ABCC9: variants seen among roughly 807,000 people sequenced by gnomAD.
ABCC9 encodes the protein ATP binding cassette subfamily C member 9.
Under a neutral mutation model 188.3 loss-of-function variants are expected in ABCC9, and 95 were observed. The ratio of observed to expected loss-of-function variants is 0.50; its 90% CI spans 0.43 to 0.60. The LOEUF is 0.60. Ranked by LOEUF, ABCC9 falls within the 20% of genes least tolerant of loss-of-function variation. The probability of loss-of-function intolerance (pLI) is 0.00; values close to 1 mark genes in which losing one functional copy is unlikely to be tolerated. For synonymous variants in ABCC9, 659 were observed against 652.7 expected, an observed-to-expected ratio of 1.01 and a Z score of -0.15; for missense variants, 1,102 against 1,876.3, an observed-to-expected ratio of 0.59 and a Z score of 7.62.
At chr12:21,803,679 T>G (rs948811165) in intron 39 of ABCC9, among the ~76,000 whole-genome samples, 1 of 150,814 alleles carries the variant, frequency 6.6e-6, no homozygotes, top group Non-Finnish European at 1.5e-5. Flanking sequence ...AAAAAAACAT[T>G]GAAAAATCTT....
chr12:21,837,611 C>G (rs1944167776), intron 30 of ABCC9, among the ~76,000 whole-genome samples: 1 of 152,220 alleles, frequency 6.6e-6, no homozygotes, highest in East Asian at 1.9e-4. Flanking sequence ...GGATTAAATT[C>G]TAAAACAACT....
At chr12:21,926,245 C>T (rs530393945) in intron 4 of ABCC9, among the ~76,000 whole-genome samples, 182 bp from the exon 5 acceptor site, 1 of 152,110 alleles carries the variant, frequency 6.6e-6, no homozygotes, top group Admixed American at 6.6e-5. Context: ...TCTGCGGAAA[C>T]GATTTATCTT....
chr12:21,818,039 G>A, intron 32 of ABCC9, 111 bp downstream of exon 32: 2 of 595,898 alleles, frequency 3.4e-6, no homozygotes, highest in Non-Finnish European at 3.1e-6. Flanking sequence ...GCCCTGGTAT[G>A]TGTAATTCCC....
chr12:21,894,156 A>G lies in ABCC9; in HGVS notation c.1678T>C (p.Tyr560His). The G allele has an allele frequency of 6.2e-7, 1 of 1,614,084 alleles. No homozygotes were observed. Among genetic ancestry groups the G allele is most frequent in the Non-Finnish European group, 8.5e-7 (1 of 1,179,990 alleles). ...AVLATFVTHA[Y>H]ASGNNLKPAE... Reference sequence around the variant, plus strand: ...GGTTTCAGATTGTTTCCACTGGCATACGCATGGGTCACAAATGTCTGTGCA... The same window carrying G: ...GGTTTCAGATTGTTTCCACTGGCATGCGCATGGGTCACAAATGTCTGTGCA... The change falls in exon 14 of 40, where the codon TAT becomes CAT. Residue 560 changes from tyrosine (Y) to histidine (H), a missense_variant. Tyr to His is a moderately conservative substitution (Grantham distance 83). Around this residue, in one of 12 missense-constraint regions of ABCC9, gnomAD observed 258 missense variants for 325.6 expected, o/e 0.79. Coordinates refer to ENST00000261200, the MANE Select transcript of ABCC9 (RefSeq NM_020297.4).
Position 21,841,855 on chromosome 12 carries a change from G to C in ABCC9, c.3473+459C>G, listed in dbSNP as rs1396916427. The stretch of plus-strand genomic sequence containing the variant: ...ATACCTAAATGAATCATAATGTCAG[G>C]ATAGATTTCATTATGTTTCATATAG... On this transcript the variant is annotated intron_variant, in intron 29 of 39. Coordinates refer to ENST00000261200, the MANE Select transcript of ABCC9 (RefSeq NM_020297.4). Among the ~76,000 whole-genome samples the C allele has an allele frequency of 2.0e-5, 3 of 152,034 alleles. No homozygotes were observed. In the South Asian group the frequency reaches 6.2e-4, roughly 32 times the overall value.
rs1945007967 is a variant in ABCC9, at chr12:21,852,276, T to C, written c.2644-54A>G. The C allele has an allele frequency of 2.0e-5, 33 of 1,613,392 alleles. No homozygotes were observed. The South Asian group carries it at 2.5e-4, about 12-fold the overall frequency. ...TGACGAAAAGCCTTGATTGGCAAAA[T>C]GAACTACCTTTATTTCAGAAAGCAT... is the stretch of plus-strand genomic sequence containing the variant. On this transcript the variant is annotated intron_variant, in intron 23 of 39. Coordinates refer to ENST00000261200, the MANE Select transcript of ABCC9 (RefSeq NM_020297.4).
At chr12:21,836,257 C>G (rs1357924555) in intron 30 of ABCC9, among the ~76,000 whole-genome samples, 1 of 152,122 alleles carries the variant, frequency 6.6e-6, no homozygotes, top group Non-Finnish European at 1.5e-5. Flanking sequence ...GCTCAAAATT[C>G]TTCAGTGACT....
In ABCC9 at chr12:21,842,455, A is replaced by G; in HGVS notation, c.3332T>C (p.Leu1111Ser). 6.2e-7 allele frequency: 1 copy of G among 1,614,156 alleles called. No homozygotes were observed. Among genetic ancestry groups the G allele is most frequent in the Non-Finnish European group, 8.5e-7 (1 of 1,179,986 alleles). The part of the protein sequence containing the change: ...NIIDQHIPPT[L>S]ESLTRSTLLC... ...CAGTGTTGAGCGAGTTAGAGATTCC[A>G]AGGTTGGAGGGATGTGCTATTAGGG... Residue 1111 changes from leucine to serine, a missense_variant, in exon 29 of 40, where the codon TTG becomes TCG. Around this residue, in one of 12 missense-constraint regions of ABCC9, gnomAD observed 12 missense variants for 57.2 expected, o/e 0.21. Transcript: ENST00000261200.
At chr12:21,844,291 G>C (rs1944523758) in intron 28 of ABCC9, among the ~76,000 whole-genome samples, 192 bp downstream of exon 28, 1 of 151,874 alleles carries the variant, frequency 6.6e-6, no homozygotes, top group Admixed American at 6.6e-5. Context: ...GTACAAATTA[G>C]TCTGAGTTAA....
At chr12:21,918,180 C>T (rs540430091) in intron 5 of ABCC9, among the ~76,000 whole-genome samples, 177 of 151,882 alleles carry the variant, frequency 1.2e-3, no homozygotes, top group African/African-American at 4.0e-3. Flanking sequence ...CAAACAAAGC[C>T]GACTTCAAGA....
intron 4 of ABCC9, among the ~76,000 whole-genome samples, chr12:21,932,116 C>G (rs1329046277): frequency 1.3e-5 from 2 of 152,136 alleles, no homozygotes; most frequent in South Asian, 4.1e-4. Context: ...ATGAAAGTTA[C>G]ACCATTTAGC....
Position 21,801,484 on chromosome 12 carries a change from G to A in ABCC9, c.4513-303C>T, listed in dbSNP as rs2137081971. Among the ~76,000 whole-genome samples, 2 of 152,238 alleles carry A rather than the reference G, an allele frequency of 1.3e-5. 1 individual carries two copies. The highest frequency in any genetic ancestry group is 4.2e-4 in the South Asian group (2 of 4,814). The stretch of plus-strand genomic sequence containing the variant: ...TAAGTAGGGTAAAATTGTTTATCGA[G>A]TAATTAAATTAAGAGAGGCCATTGT... On this transcript the variant is annotated intron_variant, in intron 39 of 39. Coordinates refer to ENST00000261200, the MANE Select transcript of ABCC9 (RefSeq NM_020297.4).
At chr12:21,826,581 C>T (rs753818387) in intron 31 of ABCC9, among the ~76,000 whole-genome samples, 3 of 152,150 alleles carry the variant, frequency 2.0e-5, no homozygotes, top group Non-Finnish European at 4.4e-5. Flanking sequence ...CACCTGGTTC[C>T]AATGAAAACT....
chr12:21,888,388 G>A (rs1253660570), intron 14 of ABCC9, among the ~76,000 whole-genome samples: 3 of 152,080 alleles, frequency 2.0e-5, no homozygotes, highest in Non-Finnish European at 4.4e-5. Flanking sequence ...CATTTAGCAT[G>A]TAATATGCAA....
At chr12:21,916,752 G>T (rs1948616893) in intron 6 of ABCC9, among the ~76,000 whole-genome samples, 185 bp downstream of exon 6, 1 of 151,962 alleles carries the variant, frequency 6.6e-6, no homozygotes, top group South Asian at 2.1e-4. Context: ...TAGTTTCTAG[G>T]GTCACACTGA....
At position 21,872,627 on chromosome 12, in the gene ABCC9, G is replaced by C; in HGVS notation, c.2196C>G (p.Ser732Arg). ...AAGCCAACTAAAAATATACATACTT[G>C]CTCCAGTGAACTTTTCCTTCCAATG... is the stretch of plus-strand genomic sequence containing the variant. Reference protein sequence around the residue: ...MQTLEGKVHWSNVNESEPSFE... With the variant: ...MQTLEGKVHWRNVNESEPSFE... Residue 732 changes from serine (S) to arginine (R), a missense_variant and splice_region_variant, in exon 18 of 40, where the codon AGC (serine) becomes AGG (arginine). Ser to Arg is a moderately radical substitution (Grantham distance 110). Coordinates refer to ENST00000261200, the MANE Select transcript of ABCC9 (RefSeq NM_020297.4). 6.2e-7 allele frequency: 1 copy of C among 1,610,460 alleles called. No homozygotes were observed. The highest frequency in any genetic ancestry group is 8.5e-7 in the Non-Finnish European group (1 of 1,176,816).
chr12:21,896,948 G>A (rs1947460265), intron 12 of ABCC9, among the ~76,000 whole-genome samples: 1 of 152,160 alleles, frequency 6.6e-6, no homozygotes. Context: ...TAATGAGATT[G>A]ATGGGTCAAA....
At chr12:21,918,691 T>A (rs1408505066) in intron 5 of ABCC9, among the ~76,000 whole-genome samples, 1 of 152,130 alleles carries the variant, frequency 6.6e-6, no homozygotes, top group African/African-American at 2.4e-5. Context: ...CTGGGTTCTC[T>A]GCTCCAGGTT....
At chr12:21,918,273 A>G (rs565260623) in intron 5 of ABCC9, among the ~76,000 whole-genome samples, 20 of 152,270 alleles carry the variant, frequency 1.3e-4, no homozygotes, top group Non-Finnish European at 2.4e-4. Context: ...AAATAGACAT[A>G]TGACCAATGA....
Sources: gnomAD v4.1 joint callset for allele counts (sites outside exome capture counted in the v4.1 genomes callset) on GRCh38, gnomAD v4.1.1 for gene constraint, gnomAD v4.1.1 regional missense constraint, MANE v1.5 for transcripts, NCBI Gene and HGNC (gene_info 2026-07-23, HGNC 2026-07-21) for gene names.